Variants in UBE2D1 observed in about 807,000 individuals in gnomAD.
UBE2D1 encodes ubiquitin-conjugating enzyme E2 D1.
A neutral mutation model predicts 24.6 loss-of-function variants in UBE2D1; 9 were observed. That is an observed-to-expected ratio of 0.37 (90% CI 0.22 to 0.64). UBE2D1 has a LOEUF of 0.64. Among genes scored for constraint, UBE2D1 ranks in the 30% least tolerant of loss-of-function variants. UBE2D1 has a pLI of 0.64. For missense variants in UBE2D1, 87 were observed against 177.1 expected, an observed-to-expected ratio of 0.49 and a Z score of 2.89; for synonymous variants, 57 against 57.6, an observed-to-expected ratio of 0.99 and a Z score of 0.04.
intron 1 of UBE2D1, among the ~76,000 whole-genome samples, chr10:58,340,675 A>G (rs1313040350): frequency 6.6e-6 from 1 of 152,188 alleles, no homozygotes; most frequent in East Asian, 1.9e-4. Context: ...AAAATCTGTC[A>G]ATAAACTGAC....
chr10:58,347,622 T>A (rs1840030416), intron 1 of UBE2D1, among the ~76,000 whole-genome samples: 1 of 151,888 alleles, frequency 6.6e-6, no homozygotes, highest in African/African-American at 2.4e-5. Flanking sequence ...CCTCAAGCTT[T>A]TATTCTAAAT....
At chr10:58,335,767 C>T (rs954630623) in intron 1 of UBE2D1, among the ~76,000 whole-genome samples, 1 of 152,232 alleles carries the variant, frequency 6.6e-6, no homozygotes, top group African/African-American at 2.4e-5. Context: ...GGCTGGAAAG[C>T]CCATTTGCGG....
intron 1 of UBE2D1, among the ~76,000 whole-genome samples, chr10:58,340,106 A>G (rs1839947056): frequency 6.6e-6 from 1 of 152,244 alleles, no homozygotes. Flanking sequence ...TTTAGTATCC[A>G]AATTGAGATG....
intron 3 of UBE2D1, 80 bp downstream of exon 3, chr10:58,361,606 G>A (rs538563958): frequency 6.4e-7 from 1 of 1,569,742 alleles, no homozygotes; most frequent in Admixed American, 1.7e-5. Flanking sequence ...TCAGATGTTT[G>A]TGATGAAGGT....
At chr10:58,364,743 A>C in intron 4 of UBE2D1, 28 bp from the exon 5 acceptor site, 1 of 1,537,238 alleles carries the variant, frequency 6.5e-7, no homozygotes, top group Non-Finnish European at 9.0e-7. Flanking sequence ...GGTGATTGTC[A>C]TATTTTGTTG....
rs986602514 is a variant in UBE2D1, at chr10:58,370,253, G to A, written c.*1488G>A. 6.6e-6 allele frequency: 1 copy of A among 152,080 alleles called. No individual in the cohort carries two copies. Among genetic ancestry groups the A allele is most frequent in the African/African-American group, 2.4e-5 (1 of 41,408 alleles). The allele number at this position is 152,080 out of a possible 1,614,324, so 9.4% of individuals were successfully genotyped here. On this transcript the variant is annotated 3_prime_UTR_variant, in exon 7 of 7. Transcript: ENST00000373910. ...GCATGCTTGTCAACCTTGAGTGAGT[G>A]TCATTTTTAAGAACAGTTGTAGCCC...
intron 1 of UBE2D1, among the ~76,000 whole-genome samples, chr10:58,335,695 C>A (rs895387513): frequency 1.4e-4 from 21 of 152,228 alleles, no homozygotes; most frequent in Non-Finnish European, 1.0e-4. Flanking sequence ...CCTTTCTCCG[C>A]GGAGCTGTCG....
At chr10:58,341,313 A>T (rs558423875) in intron 1 of UBE2D1, among the ~76,000 whole-genome samples, 1 of 152,348 alleles carries the variant, frequency 6.6e-6, no homozygotes, top group South Asian at 2.1e-4. Context: ...AGTTCTTTCT[A>T]GAAAGAATGA....
intron 1 of UBE2D1, among the ~76,000 whole-genome samples, chr10:58,349,650 A>G (rs191613637): frequency 1.3e-5 from 2 of 152,212 alleles, no homozygotes; most frequent in East Asian, 1.9e-4. Context: ...GGCAAAATAC[A>G]TTTTAAAAGT....
chr10:58,369,193 A>G lies in UBE2D1; in HGVS notation c.*428A>G, dbSNP rs1359731948. On this transcript the variant is annotated 3_prime_UTR_variant, in exon 7 of 7. Coordinates refer to ENST00000373910, the MANE Select transcript of UBE2D1 (RefSeq NM_003338.5). ...CTCACTTTATAATTTGTATTTTTTT[A>G]CTGTATAGACTAAATATATTCTATT... The G allele has an allele frequency of 2.0e-5, 3 of 153,020 alleles. No individual in the cohort carries two copies. The highest frequency in any genetic ancestry group is 1.5e-5 in the Non-Finnish European group (1 of 68,212). The allele number at this position is 153,020 out of a possible 1,614,324, so 9.5% of individuals were successfully genotyped here.
intron 1 of UBE2D1, among the ~76,000 whole-genome samples, chr10:58,355,097 T>C (rs542201657): frequency 6.6e-6 from 1 of 152,332 alleles, no homozygotes; most frequent in East Asian, 1.9e-4. Flanking sequence ...TGGAAAACTC[T>C]ACTATATACT....
intron 1 of UBE2D1, among the ~76,000 whole-genome samples, chr10:58,339,960 A>T (rs1300315996): frequency 1.3e-5 from 2 of 152,166 alleles, no homozygotes; most frequent in South Asian, 4.1e-4. Flanking sequence ...GAGATTACTG[A>T]ACTCACCAGA....
intron 1 of UBE2D1, among the ~76,000 whole-genome samples, chr10:58,355,425 T>G (rs1014918490): frequency 1.3e-5 from 2 of 152,254 alleles, no homozygotes; most frequent in African/African-American, 4.8e-5. Flanking sequence ...CGGAAGCAGT[T>G]ACAATTGAAC....
At chr10:58,340,648 C>T (rs562123716) in intron 1 of UBE2D1, among the ~76,000 whole-genome samples, 11 of 152,100 alleles carry the variant, frequency 7.2e-5, no homozygotes, top group African/African-American at 2.7e-4. Flanking sequence ...ATGATTGTGC[C>T]CCCTAGGATA....
chr10:58,337,166 T>C (rs1349203367), intron 1 of UBE2D1, among the ~76,000 whole-genome samples: 1 of 152,212 alleles, frequency 6.6e-6, no homozygotes, highest in Non-Finnish European at 1.5e-5. Context: ...TTACATAGAA[T>C]TGATATCAAA....
chr10:58,345,338 C>T (rs1324637948), intron 1 of UBE2D1, among the ~76,000 whole-genome samples: 2 of 152,008 alleles, frequency 1.3e-5, no homozygotes, highest in African/African-American at 2.4e-5. Flanking sequence ...AGCTCAGCAT[C>T]GTGGCACGTG....
At chr10:58,346,648 A>G (rs1293466444) in intron 1 of UBE2D1, among the ~76,000 whole-genome samples, 1 of 152,176 alleles carries the variant, frequency 6.6e-6, no homozygotes, top group Non-Finnish European at 1.5e-5. Flanking sequence ...GCACTGGGGA[A>G]AAGTGTTGCA....
intron 1 of UBE2D1, among the ~76,000 whole-genome samples, chr10:58,358,208 G>T (rs59980924): frequency 0.043 from 6,574 of 152,070 alleles, 488 homozygotes; most frequent in African/African-American, 0.15. Flanking sequence ...CATTATCTCT[G>T]TAAAATATGT....
intron 1 of UBE2D1, among the ~76,000 whole-genome samples, chr10:58,343,004 T>A (rs1839979313): frequency 6.6e-6 from 1 of 152,018 alleles, no homozygotes. Context: ...TAATTTTTTG[T>A]ATTTTTAGTA....
Sources: gnomAD v4.1 joint callset for allele counts (sites outside exome capture counted in the v4.1 genomes callset) on GRCh38, gnomAD v4.1.1 for gene constraint, MANE v1.5 for transcripts, NCBI Gene and HGNC (gene_info 2026-07-23, HGNC 2026-07-21) for gene names.